HIRA: variants seen among roughly 807,000 people sequenced by gnomAD.
The protein encoded by HIRA is histone cell cycle regulator, also known as protein HIRA.
Under a neutral mutation model 126.6 loss-of-function variants are expected in HIRA, and 13 were observed. The ratio of observed to expected loss-of-function variants is 0.10; its 90% CI spans 0.07 to 0.16. The LOEUF (loss-of-function observed/expected upper bound fraction) is 0.16, where lower values mean the gene tolerates loss of function less well. Ranked by LOEUF, HIRA falls within the 10% of genes least tolerant of loss-of-function variation. The probability of loss-of-function intolerance (pLI) is 1.00; values close to 1 mark genes in which losing one functional copy is unlikely to be tolerated. For missense variants in HIRA, 834 were observed against 1,314.4 expected (o/e 0.63, Z 5.65); for synonymous variants, 511 against 520.0 (o/e 0.98, Z 0.24).
chr22:19,385,838 T>G, intron 11 of HIRA, 102 bp from the exon 12 acceptor site: 4 of 1,152,672 alleles, frequency 3.5e-6, no homozygotes, highest in Non-Finnish European at 5.0e-6. Flanking sequence ...TGGCTCTGAG[T>G]GGAGAAGGGA....
At chr22:19,408,886 G>A (rs913850331) in intron 2 of HIRA, among the ~76,000 whole-genome samples, 5 of 152,112 alleles carry the variant, frequency 3.3e-5, no homozygotes, top group South Asian at 4.1e-4. Flanking sequence ...CCTCTAACAC[G>A]GATCCACCAG....
chr22:19,355,245 T>G (rs1378737591), intron 21 of HIRA, among the ~76,000 whole-genome samples: 2 of 152,228 alleles, frequency 1.3e-5, no homozygotes, highest in Non-Finnish European at 2.9e-5. Context: ...TTCACGTGTC[T>G]GGGTTAAGAG....
At position 19,377,889 on chromosome 22, in the gene HIRA, G is replaced by A. The variant is rs547497143; in HGVS notation, c.1593C>T (p.Gly531=). ...CTAACCTGTCTTTATTGACAGAATC[G>A]CCTGCAGGTCTGGCACTGGCAGCCA... The part of the protein sequence containing the change: ...PVVAASARPA[G]DSVNKDSMNA... The change falls in exon 14 of 25, where the codon GGC becomes GGT. Residue 531 remains glycine, a synonymous_variant. Transcript: ENST00000263208. The A allele has an allele frequency of 5.0e-6, 8 of 1,611,122 alleles. No individual in the cohort carries two copies. The Admixed American group carries it at 8.4e-5, about 17-fold the overall frequency.
At chr22:19,399,944 A>G (rs2089254254) in intron 5 of HIRA, among the ~76,000 whole-genome samples, 1 of 152,218 alleles carries the variant, frequency 6.6e-6, no homozygotes, top group South Asian at 2.1e-4. Flanking sequence ...GAAAACAACA[A>G]CTTTCTCTAG....
chr22:19,368,248 T>C (rs2088932065), intron 15 of HIRA, among the ~76,000 whole-genome samples: 1 of 152,186 alleles, frequency 6.6e-6, no homozygotes, highest in South Asian at 2.1e-4. Flanking sequence ...AATCCTGGAT[T>C]CTTTTCATTT....
intron 24 of HIRA, among the ~76,000 whole-genome samples, chr22:19,343,092 AG>A (rs1344478303): frequency 6.6e-6 from 1 of 151,196 alleles, no homozygotes; most frequent in East Asian, 2.0e-4. Context: ...TTGGGGACTC[AG>A]GGGGAAGGGT....
chr22:19,379,754 A>T (rs571861777), intron 13 of HIRA, among the ~76,000 whole-genome samples: 29 of 147,718 alleles, frequency 2.0e-4, no homozygotes, highest in Admixed American at 8.8e-4. Context: ...TTTACATATT[A>T]AAAAAATTCC....
At chr22:19,352,165 G>GTAAC (rs1434430208) in intron 23 of HIRA, among the ~76,000 whole-genome samples, 1 of 151,952 alleles carries the variant, frequency 6.6e-6, no homozygotes, top group Non-Finnish European at 1.5e-5. Flanking sequence ...TGGAGGGTGG[G>GTAAC]TAACTGGTGT....
intron 8 of HIRA, among the ~76,000 whole-genome samples, chr22:19,393,168 G>C (rs1479986770): frequency 6.6e-6 from 1 of 152,108 alleles, no homozygotes; most frequent in African/African-American, 2.4e-5. Context: ...CTAATAAAGT[G>C]GTTGTGAGGA....
At chr22:19,393,413 G>A (rs543246003) in intron 8 of HIRA, among the ~76,000 whole-genome samples, 3 of 151,866 alleles carry the variant, frequency 2.0e-5, no homozygotes, top group South Asian at 2.1e-4. Flanking sequence ...GCTGGAGTAC[G>A]GTGGCGCAAT....
intron 24 of HIRA, among the ~76,000 whole-genome samples, chr22:19,333,996 A>G (rs1262075635): frequency 1.4e-5 from 2 of 148,060 alleles, no homozygotes; most frequent in Non-Finnish European, 3.0e-5. Flanking sequence ...TTTTCTTGAG[A>G]TGGAGCCTCG....
chr22:19,363,126 C>A (rs959833056), intron 15 of HIRA, among the ~76,000 whole-genome samples: 1 of 149,878 alleles, frequency 6.7e-6, no homozygotes, highest in Non-Finnish European at 1.5e-5. Context: ...CCCAGCTACT[C>A]GGCAGGCTGA....
chr22:19,412,152 T>C (rs544088742), intron 1 of HIRA, among the ~76,000 whole-genome samples: 2 of 152,168 alleles, frequency 1.3e-5, no homozygotes, highest in Non-Finnish European at 2.9e-5. Context: ...AGTTCAACTT[T>C]GGCTCTCTGG....
chr22:19,353,306 G>A (rs782030161), intron 23 of HIRA, 50 bp downstream of exon 23: 13 of 1,604,252 alleles, frequency 8.1e-6, no homozygotes, highest in Non-Finnish European at 1.1e-5. Context: ...AGGCCTGGGA[G>A]GATGGAGGGG....
In HIRA at chr22:19,342,118, A is replaced by G. The variant is rs1320191255; in HGVS notation, c.2937+9240T>C. Among the ~76,000 whole-genome samples the G allele has an allele frequency of 2.6e-5, 4 of 152,268 alleles. No homozygotes were observed. In the East Asian group the frequency reaches 7.7e-4, roughly 29 times the overall value. ...ACAAATCAGCAAGATAAAAACAAAT[A>G]ACCCCATTAAAAAGTGGACAAAGAA... On this transcript the variant is annotated intron_variant, in intron 24 of 24. Coordinates refer to ENST00000263208, the MANE Select transcript of HIRA (RefSeq NM_003325.4).
intron 15 of HIRA, among the ~76,000 whole-genome samples, chr22:19,372,240 C>T (rs2088973060): frequency 6.6e-6 from 1 of 152,206 alleles, no homozygotes; most frequent in Non-Finnish European, 1.5e-5. Flanking sequence ...ATAGGACCAA[C>T]ACTTATTATC....
chr22:19,412,773 T>A (rs2089364423), intron 1 of HIRA, among the ~76,000 whole-genome samples: 1 of 152,182 alleles, frequency 6.6e-6, no homozygotes, highest in African/African-American at 2.4e-5. Flanking sequence ...CCATGCGCTT[T>A]AGATCATGCC....
chr22:19,359,935 G>C (rs1464535962), intron 17 of HIRA, among the ~76,000 whole-genome samples: 1 of 152,196 alleles, frequency 6.6e-6, no homozygotes, highest in African/African-American at 2.4e-5. Flanking sequence ...TCAGTGCTTG[G>C]AGGGAATGTT....
intron 1 of HIRA, among the ~76,000 whole-genome samples, chr22:19,430,663 T>C (rs956793726): frequency 6.6e-6 from 1 of 151,988 alleles, no homozygotes; most frequent in African/African-American, 2.4e-5. Flanking sequence ...CGCGCTTTTT[T>C]CATCTACCCG....
Sources: gnomAD v4.1 joint callset for allele counts (sites outside exome capture counted in the v4.1 genomes callset) on GRCh38, gnomAD v4.1.1 for gene constraint, MANE v1.5 for transcripts, NCBI Gene and HGNC (gene_info 2026-07-23, HGNC 2026-07-21) for gene names.